Variants in FBXO16 observed in about 807,000 individuals in gnomAD.
FBXO16 encodes the protein F-box protein 16, also known as F-box only protein 16.
In FBXO16, 31 loss-of-function variants were observed where a neutral mutation model predicts 41.0. That is an observed-to-expected ratio of 0.76 (90% CI 0.57 to 1.02). FBXO16 has a LOEUF of 1.02. Among genes scored for constraint, FBXO16 ranks in the 50% least tolerant of loss-of-function variants. FBXO16 has a pLI of 0.00. For synonymous variants in FBXO16, 133 were observed against 117.8 expected (o/e 1.13, Z -0.84); for missense variants, 361 against 346.2 (o/e 1.04, Z -0.34).
At chr8:28,439,396 A>G (rs928827887) in intron 7 of FBXO16, among the ~76,000 whole-genome samples, 2 of 152,138 alleles carry the variant, frequency 1.3e-5, no homozygotes, top group African/African-American at 4.8e-5. Flanking sequence ...AACCTCTCCA[A>G]TGGATATTTT....
At chr8:28,475,047 C>T (rs1270631428) in intron 2 of FBXO16, among the ~76,000 whole-genome samples, 1 of 152,222 alleles carries the variant, frequency 6.6e-6, no homozygotes. Flanking sequence ...TTATCCCATA[C>T]ACCCTCTGTC....
chr8:28,487,241 G>A (rs1803616422), intron 1 of FBXO16, among the ~76,000 whole-genome samples: 1 of 152,062 alleles, frequency 6.6e-6, no homozygotes, highest in Non-Finnish European at 1.5e-5. Context: ...GCCTGCTGAA[G>A]TGTGCCAATG....
rs1049607040 is a variant in FBXO16 at position 28,447,530 on chromosome 8, T to A, written c.741-257A>T. On this transcript the variant is annotated intron_variant, in intron 6 of 8. Transcript: ENST00000380254. ...CAACTGTGGAAGGATCTCCAGGATA[T>A]ACTGTTACATTAAGAAAGAAGGGTG... 1.9e-5 allele frequency: 8 copies of A among 412,834 alleles called. No homozygotes were observed. The South Asian group carries it at 2.3e-4, about 12-fold the overall frequency. 25.6% of individuals were successfully genotyped at this position (412,834 alleles called of 1,614,324 possible).
At chr8:28,429,195 T>G (rs1269018795) in intron 8 of FBXO16, among the ~76,000 whole-genome samples, 183 bp downstream of exon 8, 1 of 152,192 alleles carries the variant, frequency 6.6e-6, no homozygotes, top group African/African-American at 2.4e-5. Context: ...TCTCCCTATG[T>G]TGCCCAGGCT....
At position 28,483,460 on chromosome 8, in the gene FBXO16, A is replaced by C. The variant is rs111564508; in HGVS notation, c.-14T>G. On this transcript the variant is annotated splice_region_variant and 5_prime_UTR_variant, in exon 2 of 9. Transcript: ENST00000380254. ...AAATGCCATCATGAAACAACTGGAT[A>C]TCCTTCCATAAGAAAAACAACACCT... 5.7e-5 allele frequency: 91 copies of C among 1,604,260 alleles called. 2 individuals carry two copies. The African/African-American group carries it at 8.3e-4, about 15-fold the overall frequency.
intron 7 of FBXO16, among the ~76,000 whole-genome samples, chr8:28,438,454 C>A (rs915581289): frequency 1.3e-5 from 2 of 152,172 alleles, no homozygotes; most frequent in Non-Finnish European, 2.9e-5. Context: ...GGCCTCCCAC[C>A]AATGCCTTCT....
chr8:28,452,543 G>A, intron 5 of FBXO16, 67 bp from the exon 6 acceptor site: 2 of 1,494,420 alleles, frequency 1.3e-6, no homozygotes, highest in East Asian at 2.3e-5. Context: ...GCTCACGCCT[G>A]TAATCCCAGC....
At chr8:28,428,917 G>C (rs1278258403) in intron 8 of FBXO16, among the ~76,000 whole-genome samples, 181 bp from the exon 9 acceptor site, 1 of 152,146 alleles carries the variant, frequency 6.6e-6, no homozygotes, top group Non-Finnish European at 1.5e-5. Context: ...CTGAGCTACA[G>C]ATAATACGGT....
Position 28,452,357 on chromosome 8 carries a change from A to G in FBXO16, c.627T>C (p.Asn209=). 1 of 1,614,210 alleles carries G rather than the reference A, an allele frequency of 6.2e-7. No individual in the cohort carries two copies. The change falls in exon 6 of 9, where the codon AAT becomes AAC. Residue 209 remains asparagine, a synonymous_variant. Coordinates refer to ENST00000380254, the MANE Select transcript of FBXO16 (RefSeq NM_172366.4). ...GTGGAAGTGCTTTCTCCCCTGAGTTATTCTTCTTTCTTAAAGAGGAAGAGG... is the reference window on the plus strand; with the variant it reads ...GTGGAAGTGCTTTCTCCCCTGAGTTGTTCTTCTTTCTTAAAGAGGAAGAGG... ...FRSSSSLRKK[N]NSGEKALPPW...
In FBXO16 at chr8:28,428,683, A is replaced by G; in HGVS notation, c.*44T>C. On this transcript the variant is annotated 3_prime_UTR_variant, in exon 9 of 9. Transcript: ENST00000380254. ...CTGGGAGTCCCACTGACTCAGGGGG[A>G]GGCCAGGCGAGATGAGCTGGAACTT... The G allele has an allele frequency of 6.4e-7, 1 of 1,572,238 alleles. No homozygotes were observed. Among genetic ancestry groups the G allele is most frequent in the Non-Finnish European group, 8.6e-7 (1 of 1,160,068 alleles).
chr8:28,436,023 T>G (rs1802681847), intron 7 of FBXO16, among the ~76,000 whole-genome samples: 1 of 152,192 alleles, frequency 6.6e-6, no homozygotes, highest in South Asian at 2.1e-4. Flanking sequence ...AACTCACCCC[T>G]GTAAATTGCC....
chr8:28,459,364 T>A (rs1056796892), intron 4 of FBXO16, among the ~76,000 whole-genome samples: 1 of 152,200 alleles, frequency 6.6e-6, no homozygotes, highest in East Asian at 1.9e-4. Context: ...ACGCTTGTAA[T>A]CCCAGCACTT....
intron 3 of FBXO16, among the ~76,000 whole-genome samples, chr8:28,464,496 A>T (rs140670894): frequency 2.6e-5 from 4 of 151,482 alleles, no homozygotes; most frequent in Admixed American, 2.6e-4. Flanking sequence ...ACCAAAAGAG[A>T]AAAAGGGAAC....
At chr8:28,472,265 T>A (rs1803350167) in intron 3 of FBXO16, among the ~76,000 whole-genome samples, 1 of 152,138 alleles carries the variant, frequency 6.6e-6, no homozygotes, top group Non-Finnish European at 1.5e-5. Flanking sequence ...CTAATTTTTT[T>A]AATTATTATT....
At chr8:28,429,317 C>T (rs952205707) in intron 8 of FBXO16, 61 bp downstream of exon 8, 1 of 1,565,270 alleles carries the variant, frequency 6.4e-7, no homozygotes, top group South Asian at 1.1e-5. Context: ...TTAATCAATA[C>T]ATGCACACGA....
chr8:28,429,460 G>A (rs368685862), intron 7 of FBXO16, 57 bp from the exon 8 acceptor site: 61 of 1,602,932 alleles, frequency 3.8e-5, no homozygotes, highest in African/African-American at 5.3e-5. Context: ...GAAATAATCC[G>A]AGCTGAGCTT....
intron 4 of FBXO16, among the ~76,000 whole-genome samples, chr8:28,460,245 A>ATATTTT (rs1477457728): frequency 9.4e-5 from 8 of 85,442 alleles, no homozygotes; most frequent in African/African-American, 4.4e-4. Context: ...ATATATATAT[A>ATATTTT]TTTTTTTTTT....
intron 6 of FBXO16, chr8:28,447,553 G>A: frequency 2.7e-6 from 1 of 370,680 alleles, no homozygotes; most frequent in Non-Finnish European, 5.0e-6. Flanking sequence ...AGAAAGAAGG[G>A]TGGATGAGAC....
chr8:28,454,350 C>T (rs1256281204), intron 5 of FBXO16, among the ~76,000 whole-genome samples: 1 of 151,710 alleles, frequency 6.6e-6, no homozygotes, highest in East Asian at 1.9e-4. Flanking sequence ...TAGTTTAATA[C>T]TGCTGGGAAT....
Sources: allele counts gnomAD v4.1 joint callset (sites outside exome capture counted in the v4.1 genomes callset), GRCh38; gene constraint gnomAD v4.1.1; transcripts MANE v1.5; gene names NCBI Gene and HGNC (gene_info 2026-07-23, HGNC 2026-07-21).